Variants in PLCH1 observed in about 807,000 individuals in gnomAD.
PLCH1 encodes the protein phospholipase C eta 1.
In PLCH1, 60 loss-of-function variants were observed where a neutral mutation model predicts 126.7. The observed-to-expected ratio is 0.47, with a 90% CI of 0.38 to 0.59. PLCH1 has a LOEUF of 0.59. Ranked by LOEUF, PLCH1 falls within the 20% of genes least tolerant of loss-of-function variation. The pLI is 0.00. For synonymous variants in PLCH1, 719 were observed against 734.9 expected, an observed-to-expected ratio of 0.98 and a Z score of 0.35; for missense variants, 1,723 against 2,040.0, an observed-to-expected ratio of 0.84 and a Z score of 2.99.
intron 2 of PLCH1, among the ~76,000 whole-genome samples, chr3:155,660,828 A>C (rs770698340): frequency 3.9e-5 from 6 of 152,206 alleles, no homozygotes; most frequent in Non-Finnish European, 8.8e-5. Flanking sequence ...TTTCCTATGT[A>C]TCTCAGGATG....
downstream of PLCH1, among the ~76,000 whole-genome samples, chr3:155,474,996 G>C (rs1713469479): frequency 7.0e-6 from 1 of 143,010 alleles, no homozygotes; most frequent in African/African-American, 2.6e-5. Flanking sequence ...GTTAGTGGGT[G>C]CAGTGCACCA....
chr3:155,514,009 C>T (rs965277238), intron 12 of PLCH1, among the ~76,000 whole-genome samples: 2 of 152,070 alleles, frequency 1.3e-5, no homozygotes, highest in Non-Finnish European at 2.9e-5. Context: ...GCAGTTATCT[C>T]GCAACCATCA....
In PLCH1 at chr3:155,482,515, G is replaced by A; in HGVS notation, c.3511C>T (p.His1171Tyr). The change falls in exon 23 of 23, where the codon CAT becomes TAT. Residue 1171 changes from histidine to tyrosine, a missense_variant. Physicochemically the swap from His to Tyr is moderately conservative, Grantham distance 83. This residue lies in a region of PLCH1 where 947 missense variants were observed against 977.1 expected (regional missense o/e 0.97). Coordinates refer to ENST00000460012, the MANE Select transcript of PLCH1 (RefSeq NM_014996.4). Reference sequence around the variant, plus strand: ...GTTAAAGTGACATTGTCAATAAGATGGGAAATTACACTCTCCTGCAGAATT... The same window carrying A: ...GTTAAAGTGACATTGTCAATAAGATAGGAAATTACACTCTCCTGCAGAATT... The part of the protein sequence containing the change: ...TAILQESVIS[H>Y]LIDNVTLTNE... 6.2e-7 allele frequency: 1 copy of A among 1,614,070 alleles called. No homozygotes were observed. Among genetic ancestry groups the A allele is most frequent in the Non-Finnish European group, 8.5e-7 (1 of 1,179,978 alleles).
chr3:155,704,879 T>C (rs1452801445), intron 1 of PLCH1, among the ~76,000 whole-genome samples: 1 of 152,218 alleles, frequency 6.6e-6, no homozygotes, highest in African/African-American at 2.4e-5. Context: ...TAGCAGTGCC[T>C]GCTCCTACAT....
intron 2 of PLCH1, among the ~76,000 whole-genome samples, chr3:155,702,779 T>C (rs1227817624): frequency 6.6e-6 from 1 of 152,206 alleles, no homozygotes; most frequent in Non-Finnish European, 1.5e-5. Flanking sequence ...TTTTCTATTA[T>C]CATATTTACT....
At chr3:155,694,755 T>C (rs2109053303) in intron 2 of PLCH1, among the ~76,000 whole-genome samples, 1 of 152,314 alleles carries the variant, frequency 6.6e-6, no homozygotes, top group Non-Finnish European at 1.5e-5. Flanking sequence ...TTGCTACCTA[T>C]AAGTCAGGAA....
chr3:155,603,587 A>G lies in PLCH1; in HGVS notation c.80-7209T>C, dbSNP rs116444618. On this transcript the variant is annotated intron_variant, in intron 2 of 22. Coordinates refer to ENST00000460012, the MANE Select transcript of PLCH1 (RefSeq NM_014996.4). ...TGTGTGAACTTCAGAAGGTAACTGA[A>G]TATCCTACTTTCCTCAACCTAAAAA... Among the ~76,000 whole-genome samples, 311 of 152,284 alleles carry G rather than the reference A, an allele frequency of 2.0e-3. 4 individuals carry two copies. Among genetic ancestry groups the G allele is most frequent in the African/African-American group, 6.3e-3 (261 of 41,562 alleles).
chr3:155,503,305 A>G (rs1015456977), intron 13 of PLCH1, among the ~76,000 whole-genome samples: 1 of 152,088 alleles, frequency 6.6e-6, no homozygotes, highest in African/African-American at 2.4e-5. Flanking sequence ...TGAATTTAAT[A>G]TTGATGGAAT....
At chr3:155,650,783 A>C (rs983108692) in intron 2 of PLCH1, among the ~76,000 whole-genome samples, 1 of 152,242 alleles carries the variant, frequency 6.6e-6, no homozygotes, top group Non-Finnish European at 1.5e-5. Context: ...TGTTTAAAGA[A>C]ATGCAGATTT....
chr3:155,474,453 A>G (rs1480346089), intron 21 of PLCH1, among the ~76,000 whole-genome samples: 7 of 145,654 alleles, frequency 4.8e-5, no homozygotes, highest in African/African-American at 1.3e-4. Context: ...ATGTGGAGAA[A>G]TAGGAACACT....
Position 155,594,044 on chromosome 3 carries a change from A to T in PLCH1, c.367T>A (p.Ser123Thr). ...CAGGTGCGGGCCTCCTCGGGGTTGGAGGTGATGAGGTCCAGGGACTCCATG... is the reference window on the plus strand; with the variant it reads ...CAGGTGCGGGCCTCCTCGGGGTTGGTGGTGATGAGGTCCAGGGACTCCATG... Reference protein sequence around the residue: ...NHMESLDLITSNPEEARTWIT... With the variant: ...NHMESLDLITTNPEEARTWIT... The change falls in exon 4 of 23, where the codon TCC (serine) becomes ACC (threonine). Residue 123 changes from serine to threonine, a missense_variant. Ser to Thr is a moderately conservative substitution (Grantham distance 58, BLOSUM62 1). This residue lies in a region of PLCH1 where 776 missense variants were observed against 1,062.9 expected (regional missense o/e 0.73). Coordinates refer to ENST00000460012, the MANE Select transcript of PLCH1 (RefSeq NM_014996.4). 1 of 1,613,932 alleles carries T rather than the reference A, an allele frequency of 6.2e-7. No individual in the cohort carries two copies. Among genetic ancestry groups the T allele is most frequent in the South Asian group, 1.1e-5 (1 of 91,066 alleles).
At chr3:155,632,144 C>T (rs984798077) in intron 2 of PLCH1, among the ~76,000 whole-genome samples, 1 of 152,078 alleles carries the variant, frequency 6.6e-6, no homozygotes, top group Non-Finnish European at 1.5e-5. Flanking sequence ...TTGAAAGGGC[C>T]ATGTCAGCAA....
intron 10 of PLCH1, among the ~76,000 whole-genome samples, chr3:155,540,053 A>G (rs1156340034): frequency 6.6e-6 from 1 of 152,158 alleles, no homozygotes; most frequent in East Asian, 1.9e-4. Context: ...ACATAGACCA[A>G]TGGAACAGAA....
intron 2 of PLCH1, among the ~76,000 whole-genome samples, chr3:155,659,740 C>T (rs1741909111): frequency 6.6e-6 from 1 of 152,038 alleles, no homozygotes; most frequent in Non-Finnish European, 1.5e-5. Flanking sequence ...CTCAGGTGAT[C>T]CAGCCACCTC....
chr3:155,512,197 G>C (rs552834158), intron 12 of PLCH1, among the ~76,000 whole-genome samples: 1 of 151,978 alleles, frequency 6.6e-6, no homozygotes, highest in Non-Finnish European at 1.5e-5. Context: ...GCAATGCCTC[G>C]CCCTCCCATT....
At chr3:155,505,060 A>C (rs562543702) in intron 12 of PLCH1, among the ~76,000 whole-genome samples, 1 of 152,348 alleles carries the variant, frequency 6.6e-6, no homozygotes, top group East Asian at 1.9e-4. Flanking sequence ...AGCCAATTCT[A>C]TTGAATAAAG....
At chr3:155,714,121 G>A (rs1364480776) in intron 1 of PLCH1, among the ~76,000 whole-genome samples, 3 of 152,110 alleles carry the variant, frequency 2.0e-5, no homozygotes, top group African/African-American at 4.8e-5. Context: ...CCTGTACTTC[G>A]GCCTCTGACA....
intron 21 of PLCH1, chr3:155,486,983 G>C (rs1388586727): frequency 2.6e-5 from 4 of 152,132 alleles, no homozygotes; most frequent in African/African-American, 9.7e-5. Context: ...ACCCCAACAA[G>C]CAGCACAAAC....
chr3:155,673,153 C>T (rs781056192), intron 2 of PLCH1, among the ~76,000 whole-genome samples: 2 of 140,018 alleles, frequency 1.4e-5, no homozygotes, highest in African/African-American at 5.4e-5. Flanking sequence ...CCTTCAGCTT[C>T]AACCCTTGCT....
Sources: gnomAD v4.1 joint callset for allele counts (sites outside exome capture counted in the v4.1 genomes callset) on GRCh38, gnomAD v4.1.1 for gene constraint, gnomAD v4.1.1 regional missense constraint, MANE v1.5 for transcripts, NCBI Gene and HGNC (gene_info 2026-07-23, HGNC 2026-07-21) for gene names.